Variants in SOBP observed in about 807,000 individuals in gnomAD.
SOBP encodes sine oculis binding protein homolog, also known as sine oculis-binding protein homolog.
SOBP carries 4 observed loss-of-function variants against 53.6 expected under a neutral mutation model. The observed-to-expected ratio is 0.07, with a 90% CI of 0.04 to 0.17. The LOEUF is 0.17. Ranked by LOEUF, SOBP falls within the 10% of genes least tolerant of loss-of-function variation. The pLI is 1.00. For missense variants in SOBP, 1,088 were observed against 1,204.7 expected, an observed-to-expected ratio of 0.90 and a Z score of 1.43; for synonymous variants, 584 against 522.6, an observed-to-expected ratio of 1.12 and a Z score of -1.60.
At chr6:107,537,083 T>C (rs182201192) in intron 4 of SOBP, among the ~76,000 whole-genome samples, 27 of 152,334 alleles carry the variant, frequency 1.8e-4, no homozygotes, top group Admixed American at 5.9e-4. Flanking sequence ...CATCTAGGAA[T>C]TGGAAAGTTG....
intron 1 of SOBP, among the ~76,000 whole-genome samples, chr6:107,502,795 C>T (rs1244314376): frequency 6.6e-6 from 1 of 152,074 alleles, no homozygotes; most frequent in Non-Finnish European, 1.5e-5. Flanking sequence ...GAGGCTTGCC[C>T]TGTTGCCCAG....
At chr6:107,561,777 C>G (rs1485521946) in intron 4 of SOBP, among the ~76,000 whole-genome samples, 4 of 152,148 alleles carry the variant, frequency 2.6e-5, no homozygotes, top group African/African-American at 4.8e-5. Context: ...GAAGACTGAG[C>G]CTTGACAGCT....
rs545086729 is a variant in SOBP at position 107,555,522 on chromosome 6, A to G, written c.573+21912A>G. Among the ~76,000 whole-genome samples the G allele has an allele frequency of 7.2e-5, 11 of 152,320 alleles. No individual in the cohort carries two copies. In the East Asian group the frequency reaches 2.1e-3, roughly 29 times the overall value. ...GGGAGGCAGTGCCTGTTTCCAGAGG[A>G]CGGTGCAGCTGTAAGCGCCTTGCAC... is the stretch of plus-strand genomic sequence containing the variant. On this transcript the variant is annotated intron_variant, in intron 4 of 6. Transcript: ENST00000317357.
chr6:107,642,747 A>G (rs1771385007), intron 6 of SOBP, among the ~76,000 whole-genome samples: 1 of 152,192 alleles, frequency 6.6e-6, no homozygotes, highest in Non-Finnish European at 1.5e-5. Context: ...TGATATAGTA[A>G]GCTGTGTTTT....
intron 1 of SOBP, among the ~76,000 whole-genome samples, chr6:107,491,336 C>T (rs1016079431): frequency 1.3e-5 from 2 of 152,206 alleles, no homozygotes; most frequent in African/African-American, 4.8e-5. Context: ...CCTCTGCCTG[C>T]CTCACTTCCC....
chr6:107,551,735 T>C (rs559800658), intron 4 of SOBP, among the ~76,000 whole-genome samples: 3 of 152,296 alleles, frequency 2.0e-5, no homozygotes, highest in South Asian at 2.1e-4. Flanking sequence ...AAATTGTTGA[T>C]TGGGGCTGGG....
chr6:107,497,660 G>A (rs7755649), intron 1 of SOBP, among the ~76,000 whole-genome samples: 117,791 of 152,022 alleles, frequency 0.77, 45,944 homozygotes, highest in Non-Finnish European at 0.83. Flanking sequence ...AAAACTTAAT[G>A]TACTGTTAAT....
intron 3 of SOBP, chr6:107,529,673 C>G (rs1197038381): frequency 3.0e-5 from 29 of 951,076 alleles, no homozygotes; most frequent in Non-Finnish European, 3.6e-5. Context: ...TGACCAATGG[C>G]CATCCTTATT....
intron 3 of SOBP, among the ~76,000 whole-genome samples, chr6:107,516,829 C>T (rs934185950): frequency 6.6e-6 from 1 of 152,030 alleles, no homozygotes; most frequent in African/African-American, 2.4e-5. Context: ...AAGATGGTTA[C>T]ACAGAGAATC....
At position 107,579,634 on chromosome 6, in the gene SOBP, C is replaced by T. The variant is rs374747146; in HGVS notation, c.574-7446C>T. On this transcript the variant is annotated intron_variant, in intron 4 of 6. Coordinates refer to ENST00000317357, the MANE Select transcript of SOBP (RefSeq NM_018013.4). ...AGTAAAGGCAGCCATTAATCAGGCA[C>T]GAGATCAGCCCCATAGCCTCACATG... 5.3e-5 allele frequency among the ~76,000 whole-genome samples: 8 copies of T among 152,226 alleles called. No homozygotes were observed. In the East Asian group the frequency reaches 5.8e-4, roughly 11 times the overall value.
chr6:107,509,155 G>A (rs1404744763), intron 3 of SOBP, among the ~76,000 whole-genome samples: 2 of 152,236 alleles, frequency 1.3e-5, no homozygotes, highest in Non-Finnish European at 2.9e-5. Context: ...AGCACTTTGG[G>A]AGGCTGAGGC....
intron 5 of SOBP, among the ~76,000 whole-genome samples, chr6:107,595,424 G>A (rs1162789922): frequency 7.2e-6 from 1 of 138,870 alleles, no homozygotes; most frequent in Non-Finnish European, 1.5e-5. Flanking sequence ...GGTTTGTTAG[G>A]GTTGTATTCC....
intron 5 of SOBP, among the ~76,000 whole-genome samples, chr6:107,603,726 T>A (rs1786267736): frequency 1.3e-5 from 2 of 152,098 alleles, no homozygotes; most frequent in South Asian, 4.1e-4. Flanking sequence ...AGATGTGAGA[T>A]ACCATGAGGT....
At chr6:107,573,621 C>T (rs989988931) in intron 4 of SOBP, among the ~76,000 whole-genome samples, 1 of 152,212 alleles carries the variant, frequency 6.6e-6, no homozygotes, top group Non-Finnish European at 1.5e-5. Context: ...CTCCTCAACC[C>T]TTTCTGTACT....
intron 5 of SOBP, among the ~76,000 whole-genome samples, chr6:107,607,597 G>A (rs1364218030): frequency 2.6e-5 from 4 of 152,186 alleles, no homozygotes; most frequent in African/African-American, 9.6e-5. Context: ...AACTGAATAA[G>A]CAATAGGAAA....
At chr6:107,519,349 TAAC>T (rs939015269) in intron 3 of SOBP, among the ~76,000 whole-genome samples, 1 of 151,554 alleles carries the variant, frequency 6.6e-6, no homozygotes, top group Admixed American at 6.6e-5. Flanking sequence ...CTGAAAATAT[TAAC>T]AATGCTGTGC....
intron 5 of SOBP, among the ~76,000 whole-genome samples, chr6:107,601,388 G>A (rs1786175785): frequency 6.6e-6 from 1 of 152,154 alleles, no homozygotes; most frequent in African/African-American, 2.4e-5. Flanking sequence ...TCTCAACTCC[G>A]CATATTCATG....
chr6:107,569,944 G>A (rs1000077976), intron 4 of SOBP, among the ~76,000 whole-genome samples: 3 of 151,882 alleles, frequency 2.0e-5, no homozygotes, highest in African/African-American at 4.9e-5. Flanking sequence ...TACACAGCTC[G>A]AACCTCATCC....
At chr6:107,509,071 T>G (rs2114953881) in intron 3 of SOBP, among the ~76,000 whole-genome samples, 1 of 152,260 alleles carries the variant, frequency 6.6e-6, no homozygotes, top group Non-Finnish European at 1.5e-5. Context: ...CAGCCCTACC[T>G]CATGTGGTTG....
Sources: gnomAD v4.1 joint callset for allele counts (sites outside exome capture counted in the v4.1 genomes callset) on GRCh38, gnomAD v4.1.1 for gene constraint, MANE v1.5 for transcripts, NCBI Gene and HGNC (gene_info 2026-07-23, HGNC 2026-07-21) for gene names.